Variants in RAI1 observed in about 807,000 individuals in gnomAD.
The protein encoded by RAI1 is retinoic acid induced 1.
Under a neutral mutation model 123.8 loss-of-function variants are expected in RAI1, and 9 were observed. That is an observed-to-expected ratio of 0.07 (90% CI 0.04 to 0.13). RAI1 has a LOEUF of 0.13. Among genes scored for constraint, RAI1 ranks in the 10% least tolerant of loss-of-function variants. The pLI, the probability that RAI1 is intolerant of heterozygous loss-of-function variation, is 1.00. For synonymous variants in RAI1, 1,231 were observed against 1,127.3 expected (o/e 1.09, Z -1.84); for missense variants, 2,256 against 2,545.8 (o/e 0.89, Z 2.45).
At chr17:17,807,618 C>G (rs1392535601) in intron 4 of RAI1, among the ~76,000 whole-genome samples, 1 of 152,250 alleles carries the variant, frequency 6.6e-6, no homozygotes, top group Non-Finnish European at 1.5e-5. Flanking sequence ...TCACTGAGGA[C>G]TGGCCTTGCC....
chr17:17,797,169 C>G lies in RAI1; in HGVS notation c.4221C>G (p.Ser1407=). Residue 1407 remains serine (S), a synonymous_variant, in exon 3 of 6, where the codon TCC becomes TCG. Transcript: ENST00000353383. ...TATGCAGAAATCCAACCAACAGATC[C>G]TTAAAAGGCAAACTCATGAACAGTA... ...DPLCRNPTNR[S]LKGKLMNSKK... is the part of the protein sequence containing the mutation. 1 of 1,613,980 alleles carries G rather than the reference C, an allele frequency of 6.2e-7. No homozygotes were observed. Among genetic ancestry groups the G allele is most frequent in the African/African-American group, 1.3e-5 (1 of 75,058 alleles).
At chr17:17,747,842 A>T (rs2029986523) in intron 2 of RAI1, among the ~76,000 whole-genome samples, 1 of 152,170 alleles carries the variant, frequency 6.6e-6, no homozygotes, top group South Asian at 2.1e-4. Context: ...AAGCAGGAGG[A>T]TCTTTGAGCC....
At chr17:17,754,328 C>T (rs1272186833) in intron 2 of RAI1, among the ~76,000 whole-genome samples, 1 of 151,908 alleles carries the variant, frequency 6.6e-6, no homozygotes, top group African/African-American at 2.4e-5. Flanking sequence ...CCTCAGCCCC[C>T]CGGGTTCAAG....
chr17:17,682,981 T>A (rs568748703), intron 1 of RAI1, among the ~76,000 whole-genome samples: 3 of 151,800 alleles, frequency 2.0e-5, no homozygotes, highest in Admixed American at 2.0e-4. Flanking sequence ...CGCCGCACAC[T>A]CTCCCGCGCC....
At chr17:17,805,581 T>C (rs942419243) in intron 4 of RAI1, among the ~76,000 whole-genome samples, 1 of 152,214 alleles carries the variant, frequency 6.6e-6, no homozygotes, top group Non-Finnish European at 1.5e-5. Flanking sequence ...GACCACAGCC[T>C]GTACCCCACC....
intron 2 of RAI1, among the ~76,000 whole-genome samples, chr17:17,751,770 G>A (rs1176717385): frequency 6.6e-6 from 1 of 152,088 alleles, no homozygotes; most frequent in Non-Finnish European, 1.5e-5. Flanking sequence ...TCTTGATGAG[G>A]CCTGCCAGAC....
intron 2 of RAI1, among the ~76,000 whole-genome samples, chr17:17,753,999 G>A (rs1235584939): frequency 6.6e-6 from 1 of 152,092 alleles, no homozygotes; most frequent in Non-Finnish European, 1.5e-5. Flanking sequence ...TAAAGCAGGG[G>A]AGACCTATTT....
At chr17:17,747,254 G>A (rs1030798591) in intron 2 of RAI1, among the ~76,000 whole-genome samples, 9 of 152,014 alleles carry the variant, frequency 5.9e-5, no homozygotes, top group South Asian at 2.1e-4. Context: ...ACCCCCACAC[G>A]TCACCTCCCC....
At chr17:17,688,664 C>T (rs925561504) in intron 1 of RAI1, among the ~76,000 whole-genome samples, 3 of 152,006 alleles carry the variant, frequency 2.0e-5, no homozygotes, top group Admixed American at 6.6e-5. Context: ...GGTGCGATCC[C>T]GGCTCACTGC....
chr17:17,806,386 A>G (rs1397570417), intron 4 of RAI1, among the ~76,000 whole-genome samples: 1 of 152,240 alleles, frequency 6.6e-6, no homozygotes, highest in African/African-American at 2.4e-5. Context: ...GGGACTGGGA[A>G]TGCTGCAAAT....
At chr17:17,782,406 C>T (rs1217042325) in intron 2 of RAI1, among the ~76,000 whole-genome samples, 2 of 151,858 alleles carry the variant, frequency 1.3e-5, no homozygotes, top group Non-Finnish European at 2.9e-5. Flanking sequence ...GGGATTCCCC[C>T]TCCTCCGCCG....
rs1263177349 is a variant in RAI1, at chr17:17,714,469, C to A, written c.-148-9559C>A. ...TTGAAAACTCAAACCTCTCCATAGG[C>A]CAGGAGGGAATGATAATCATCAGTG... On this transcript the variant is annotated intron_variant, in intron 1 of 5. Coordinates refer to ENST00000353383, the MANE Select transcript of RAI1 (RefSeq NM_030665.4). This position sits in a 1 kb window ranked among gnomAD's most constrained non-coding sequence, Gnocchi z 4.9. 6.6e-6 allele frequency among the ~76,000 whole-genome samples: 1 copy of A among 152,144 alleles called. No homozygotes were observed. The highest frequency in any genetic ancestry group is 1.5e-5 in the Non-Finnish European group (1 of 68,030).
intron 1 of RAI1, among the ~76,000 whole-genome samples, chr17:17,686,568 C>CGTGTGTGTGTGTGTGTGT (rs58906330): frequency 1.0e-4 from 13 of 124,430 alleles, no homozygotes; most frequent in Non-Finnish European, 1.5e-4. Context: ...TTCTTGAACC[C>CGTGTGTGTGTGTGTGTGT]GTGTGTGTGT....
intron 2 of RAI1, among the ~76,000 whole-genome samples, chr17:17,752,813 C>T (rs2030263204): frequency 6.6e-6 from 1 of 152,246 alleles, no homozygotes; most frequent in South Asian, 2.1e-4. Flanking sequence ...CCACACAGAC[C>T]GTGACCTGCC....
At chr17:17,725,129 G>T (rs1222582351) in intron 2 of RAI1, among the ~76,000 whole-genome samples, 1 of 152,040 alleles carries the variant, frequency 6.6e-6, no homozygotes, top group Non-Finnish European at 1.5e-5. Flanking sequence ...GGGGCAGGGA[G>T]GGGGCTGGGG....
intron 4 of RAI1, among the ~76,000 whole-genome samples, chr17:17,808,344 G>A (rs933640583): frequency 6.6e-6 from 1 of 151,400 alleles, no homozygotes; most frequent in Non-Finnish European, 1.5e-5. Flanking sequence ...CATGTGCAGG[G>A]TGGTTTATTT....
In RAI1 at chr17:17,793,441, C is replaced by A. The variant is rs11649804; in HGVS notation, c.493C>A (p.Pro165Thr). 568,592 of 1,613,504 alleles carry A rather than the reference C, an allele frequency of 0.35. 115,868 individuals carry two copies. The highest frequency in any genetic ancestry group is 0.83 in the East Asian group (37,390 of 44,870). Residue 165 changes from proline (P) to threonine (T), a missense_variant, in exon 3 of 6, where the codon CCC (proline) becomes ACC (threonine). Pro to Thr is a conservative substitution (Grantham distance 38, BLOSUM62 -1). Coordinates refer to ENST00000353383, the MANE Select transcript of RAI1 (RefSeq NM_030665.4). ...GTATGCAGAGCAGGGCGCCCAGGTG[C>A]CCTTTCGGACTCACTCCCTGCACGT... ...RQYAEQGAQVPFRTHSLHVQQ... is the reference protein window; with the variant it reads ...RQYAEQGAQVTFRTHSLHVQQ...
intron 1 of RAI1, chr17:17,684,831 T>TCAAAC (rs1914576549): frequency 6.6e-6 from 1 of 151,970 alleles, no homozygotes; most frequent in Non-Finnish European, 1.5e-5. Context: ...TTGGAGAGGT[T>TCAAAC]GGTTGTGTGG....
intron 2 of RAI1, among the ~76,000 whole-genome samples, chr17:17,784,261 C>CGGCTG (rs1004007033): frequency 2.0e-5 from 3 of 152,188 alleles, no homozygotes; most frequent in Non-Finnish European, 4.4e-5. Context: ...TGTGCCTCCC[C>CGGCTG]GGCTGTCAGA....
Sources: allele counts gnomAD v4.1 joint callset (sites outside exome capture counted in the v4.1 genomes callset), GRCh38; gene constraint gnomAD v4.1.1; non-coding constraint Gnocchi (gnomAD v3.1); transcripts MANE v1.5; gene names NCBI Gene and HGNC (gene_info 2026-07-23, HGNC 2026-07-21).